The following CHD1L variants were observed in gnomAD, a reference collection of about 807,000 sequenced individuals.
The protein encoded by CHD1L is chromodomain helicase DNA binding protein 1 like.
In CHD1L, 118 loss-of-function variants were observed where a neutral mutation model predicts 115.9. The ratio of observed to expected loss-of-function variants is 1.02; its 90% CI spans 0.88 to 1.19. The LOEUF is 1.19. Among genes scored for constraint, CHD1L ranks in the 50% most tolerant of loss-of-function variants. The pLI, the probability that CHD1L is intolerant of heterozygous loss-of-function variation, is 0.00. For synonymous variants in CHD1L, 411 were observed against 387.1 expected (o/e 1.06, Z -0.72); for missense variants, 1,179 against 1,065.3 (o/e 1.11, Z -1.49).
At position 147,285,406 on chromosome 1, in the gene CHD1L, A is replaced by C. The variant is rs782391914; in HGVS notation, c.1937A>C (p.Lys646Thr). Residue 646 changes from lysine (K) to threonine (T), a missense_variant, in exon 17 of 23, where the codon AAA (lysine) becomes ACA (threonine). Transcript: ENST00000369258. ...GAAGAGCTGGAGGACAGACAGAAGA[A>C]AAGACAAGAAGCAGCTGCCAAGAGA... ...SPEELEDRQKKRQEAAAKRRR... is the reference protein window; with the variant it reads ...SPEELEDRQKTRQEAAAKRRR... 11 of 1,614,042 alleles carry C rather than the reference A, an allele frequency of 6.8e-6. 1 individual carries two copies. Among genetic ancestry groups the C allele is most frequent in the South Asian group, 1.1e-5 (1 of 91,082 alleles).
At chr1:147,259,581 C>T in intron 5 of CHD1L, 2 of 310,548 alleles carry the variant, frequency 6.4e-6, no homozygotes, top group East Asian at 5.8e-5. Flanking sequence ...CTTTTCCTTT[C>T]TGTCTCTGGC....
At chr1:147,294,636 C>A in intron 22 of CHD1L, 119 bp downstream of exon 22, 1 of 673,876 alleles carries the variant, frequency 1.5e-6, no homozygotes, top group Admixed American at 2.9e-5. Context: ...CTTTACTTTC[C>A]CCCTCTTCAG....
chr1:147,280,332 A>T (rs1680346488), intron 15 of CHD1L, 141 bp downstream of exon 15: 1 of 832,728 alleles, frequency 1.2e-6, no homozygotes, highest in African/African-American at 1.7e-5. Flanking sequence ...ACTGTTTAAG[A>T]CTTGCTTGAT....
intron 15 of CHD1L, among the ~76,000 whole-genome samples, chr1:147,280,813 C>G (rs587688108): frequency 7.3e-4 from 111 of 152,270 alleles, no homozygotes; most frequent in African/African-American, 2.6e-3. Flanking sequence ...AAGGTATTCC[C>G]TGGCATCTTG....
chr1:147,246,385 A>G (rs1553933865), intron 1 of CHD1L, among the ~76,000 whole-genome samples: 1 of 152,254 alleles, frequency 6.6e-6, no homozygotes, highest in Non-Finnish European at 1.5e-5. Context: ...CAGATTTTGT[A>G]TGAAAATAAA....
chr1:147,249,437 C>G (rs1667690138), intron 1 of CHD1L, among the ~76,000 whole-genome samples: 3 of 111,780 alleles, frequency 2.7e-5, no homozygotes, highest in African/African-American at 1.1e-4. Context: ...GATAGAGTCT[C>G]TCTCTGTTGC....
At chr1:147,187,840 A>T in the CHD1L span, among the ~76,000 whole-genome samples, 2 of 152,214 alleles carry the variant, frequency 1.3e-5, no homozygotes, top group East Asian at 3.8e-4. Flanking sequence ...AAAGGGGAAA[A>T]TGTGGTTGAT....
intron 3 of CHD1L, 130 bp from the exon 4 acceptor site, chr1:147,255,683 A>T: frequency 3.5e-6 from 2 of 564,474 alleles, no homozygotes; most frequent in South Asian, 6.1e-5. Context: ...CAGAGCCCCA[A>T]GACTCTGGTT....
the CHD1L span, among the ~76,000 whole-genome samples, chr1:147,192,033 T>C: frequency 6.6e-6 from 1 of 152,162 alleles, no homozygotes; most frequent in Non-Finnish European, 1.5e-5. Flanking sequence ...AATAGTTTTT[T>C]CCAATTCTGT....
chr1:147,184,292 C>G, the CHD1L span: 1 of 403,702 alleles, frequency 2.5e-6, no homozygotes, highest in Non-Finnish European at 4.1e-6. This position sits in a 1 kb window ranked among gnomAD's most constrained non-coding sequence, Gnocchi z 4.4. Flanking sequence ...AAAAATAGTA[C>G]AGCATTCTCA....
intron 2 of CHD1L, 54 bp downstream of exon 2, chr1:147,252,789 A>G: frequency 2.2e-6 from 3 of 1,383,446 alleles, no homozygotes; most frequent in Non-Finnish European, 2.0e-6. Flanking sequence ...CTTCCTTATA[A>G]CTCATTCTGG....
In CHD1L at chr1:147,285,450, A is replaced by G; in HGVS notation, c.1981A>G (p.Lys661Glu). 1 of 1,613,316 alleles carries G rather than the reference A, an allele frequency of 6.2e-7. No homozygotes were observed. The highest frequency in any genetic ancestry group is 8.5e-7 in the Non-Finnish European group (1 of 1,179,792). Residue 661 changes from lysine to glutamate, a missense_variant, in exon 17 of 23, where the codon AAG (lysine) becomes GAG (glutamate). By Grantham distance (56) the Lys-to-Glu change is moderately conservative. Coordinates refer to ENST00000369258, the MANE Select transcript of CHD1L (RefSeq NM_004284.6). Reference sequence around the variant, plus strand: ...CAAGAGAAGGAGACTCATAGAGGAGAAGAAGAGGCAAAAGGAAGAGGCTGA... The same window carrying G: ...CAAGAGAAGGAGACTCATAGAGGAGGAGAAGAGGCAAAAGGAAGAGGCTGA... ...AAKRRRLIEE[K>E]KRQKEEAEHK...
chr1:147,275,536 A>G lies in CHD1L; in HGVS notation c.1385+68A>G, dbSNP rs1559831870. 4.8e-6 allele frequency: 6 copies of G among 1,249,814 alleles called. No individual in the cohort carries two copies. In the African/African-American group the frequency reaches 5.9e-5, roughly 12 times the overall value. The allele number at this position is 1,249,814 out of a possible 1,614,324, so 77.4% of individuals were successfully genotyped here. A position where few individuals can be genotyped will look rare whatever the true frequency, so the allele number is the denominator to read the frequency against. On this transcript the variant is annotated intron_variant, in intron 13 of 22. Coordinates refer to ENST00000369258, the MANE Select transcript of CHD1L (RefSeq NM_004284.6). ...TTCTGGGTTGTGAAAAAGGTGAAGA[A>G]TATAGTCCTGGTGACAGTCCCACAC... is the stretch of plus-strand genomic sequence containing the variant.
chr1:147,265,418 C>G (rs1458249567), intron 7 of CHD1L, among the ~76,000 whole-genome samples: 1 of 152,130 alleles, frequency 6.6e-6, no homozygotes, highest in Admixed American at 6.5e-5. Flanking sequence ...ATTTGCATAT[C>G]TGGCAATCCT....
At chr1:147,231,326 T>A in the CHD1L span, among the ~76,000 whole-genome samples, 8 of 152,196 alleles carry the variant, frequency 5.3e-5, no homozygotes, top group African/African-American at 1.9e-4. Flanking sequence ...TTTGAGTGAG[T>A]TCCTTAATCC....
intron 19 of CHD1L, among the ~76,000 whole-genome samples, chr1:147,288,338 A>G (rs1368734269): frequency 7.0e-3 from 6 of 858 alleles, no homozygotes; most frequent in African/African-American, 9.6e-3. Context: ...AAAAAAAAAA[A>G]AAAAAAAAGA....
chr1:147,236,739 C>T, the CHD1L span, among the ~76,000 whole-genome samples: 1 of 152,208 alleles, frequency 6.6e-6, no homozygotes, highest in Non-Finnish European at 1.5e-5. Flanking sequence ...GGGTGGGTAG[C>T]TCCTCTCTGC....
intron 14 of CHD1L, among the ~76,000 whole-genome samples, chr1:147,277,991 C>T (rs1679179526): frequency 6.6e-6 from 1 of 152,102 alleles, no homozygotes; most frequent in African/African-American, 2.4e-5. Flanking sequence ...TACCTCCACC[C>T]CATGGGGCCA....
the CHD1L span, chr1:147,187,054 C>T: frequency 3.1e-6 from 5 of 1,614,136 alleles, no homozygotes; most frequent in Non-Finnish European, 4.2e-6. Context: ...TTTTCGAGCC[C>T]CATCCCACTT....
Sources: gnomAD v4.1 joint callset for allele counts (sites outside exome capture counted in the v4.1 genomes callset) on GRCh38, gnomAD v4.1.1 for gene constraint, Gnocchi (gnomAD v3.1) non-coding constraint, MANE v1.5 for transcripts, NCBI Gene and HGNC (gene_info 2026-07-23, HGNC 2026-07-21) for gene names.